EHF: variants seen among roughly 807,000 people sequenced by gnomAD.
EHF encodes the protein ESE3 transcription factor.
In EHF, 14 loss-of-function variants were observed where a neutral mutation model predicts 45.1. That is an observed-to-expected ratio of 0.31 (90% CI 0.21 to 0.49). EHF has a LOEUF of 0.49. EHF is among the 20% of genes least tolerant of loss of function. EHF has a pLI of 0.99. For synonymous variants in EHF, 136 were observed against 131.8 expected (o/e 1.03, Z -0.22); for missense variants, 282 against 371.4 (o/e 0.76, Z 1.98).
At chr11:34,645,114 A>G (rs1317568738) in intron 2 of EHF, among the ~76,000 whole-genome samples, 1 of 151,988 alleles carries the variant, frequency 6.6e-6, no homozygotes, top group East Asian at 1.9e-4. Context: ...TTCCTTCCCA[A>G]CATCTATTTC....
chr11:34,656,746 A>G (rs1486100173), intron 6 of EHF, among the ~76,000 whole-genome samples, 162 bp from the exon 7 acceptor site: 1 of 152,188 alleles, frequency 6.6e-6, no homozygotes, highest in Admixed American at 6.5e-5. Context: ...TTTTCTCCAT[A>G]GCATTTATCA....
At chr11:34,653,021 C>T (rs140893115) in intron 6 of EHF, among the ~76,000 whole-genome samples, 32 of 152,252 alleles carry the variant, frequency 2.1e-4, no homozygotes, top group Middle Eastern at 3.4e-3. Flanking sequence ...CTGAGCCAAC[C>T]GGGGTAAAAT....
At chr11:34,654,901 C>T (rs920120882) in intron 6 of EHF, among the ~76,000 whole-genome samples, 1 of 152,198 alleles carries the variant, frequency 6.6e-6, no homozygotes, top group African/African-American at 2.4e-5. Context: ...AATGGCCCTG[C>T]ATCCCTCCTG....
chr11:34,658,796 C>G lies in EHF; in HGVS notation c.804-36C>G, dbSNP rs568623948. On this transcript the variant is annotated intron_variant, in intron 8 of 8. Coordinates refer to ENST00000257831, the MANE Select transcript of EHF (RefSeq NM_012153.6). ...CCATTATTTACCTAGCAACCTTCAT[C>G]GGATCAGTCACCTTATGCAATCTCC... 5.0e-5 allele frequency: 80 copies of G among 1,606,528 alleles called. 1 individual carries two copies. In the South Asian group the frequency reaches 8.7e-4, roughly 17 times the overall value.
At chr11:34,630,231 C>T (rs1304243127) in intron 1 of EHF, among the ~76,000 whole-genome samples, 1 of 152,142 alleles carries the variant, frequency 6.6e-6, no homozygotes, top group Non-Finnish European at 1.5e-5. Context: ...TTCAAAAGAA[C>T]TATGTTGCTT....
intron 1 of EHF, among the ~76,000 whole-genome samples, chr11:34,639,086 C>T (rs917397393): frequency 2.0e-5 from 3 of 152,224 alleles, no homozygotes; most frequent in East Asian, 1.9e-4. Flanking sequence ...GCAACCCCCT[C>T]CAGCTCTCCC....
At chr11:34,625,743 G>T (rs145797168) in intron 1 of EHF, among the ~76,000 whole-genome samples, 3 of 152,310 alleles carry the variant, frequency 2.0e-5, no homozygotes, top group Non-Finnish European at 2.9e-5. Context: ...GCACCTAACC[G>T]CATTCTGTCT....
intron 2 of EHF, among the ~76,000 whole-genome samples, chr11:34,643,047 A>G (rs1044045780): frequency 2.0e-5 from 3 of 150,618 alleles, no homozygotes; most frequent in Non-Finnish European, 4.4e-5. Context: ...GGATATCAAG[A>G]TAGGCTAGGA....
chr11:34,652,512 T>C (rs988995969), intron 6 of EHF, among the ~76,000 whole-genome samples: 3 of 152,160 alleles, frequency 2.0e-5, no homozygotes, highest in African/African-American at 2.4e-5. Context: ...CACCTACAAA[T>C]AGGTGCATTG....
At chr11:34,652,122 TTTGG>T (rs1457456209) in intron 6 of EHF, among the ~76,000 whole-genome samples, 7 of 152,350 alleles carry the variant, frequency 4.6e-5, no homozygotes, top group Admixed American at 3.9e-4. Context: ...ATTATTCATA[TTTGG>T]GTATACTTAT....
At chr11:34,632,358 A>T (rs1231416199) in intron 1 of EHF, 13 of 895,552 alleles carry the variant, frequency 1.5e-5, no homozygotes, top group Non-Finnish European at 1.3e-5. Flanking sequence ...CCAGCAACTG[A>T]ATTAACAGCT....
chr11:34,654,541 TTTTA>T, intron 6 of EHF, among the ~76,000 whole-genome samples: 1 of 152,256 alleles, frequency 6.6e-6, no homozygotes, highest in East Asian at 1.9e-4. Flanking sequence ...ATGGAAAGAT[TTTTA>T]TTTGGGGATT....
At chr11:34,642,541 C>A in intron 1 of EHF, 87 bp from the exon 2 acceptor site, 1 of 833,190 alleles carries the variant, frequency 1.2e-6, no homozygotes, top group Non-Finnish European at 2.0e-6. Flanking sequence ...TCTTTATTTT[C>A]TTCCTAAATT....
Position 34,633,155 on chromosome 11 carries a change from C to T in EHF, c.-3-9473C>T, listed in dbSNP as rs80339181. 1.2e-4 allele frequency among the ~76,000 whole-genome samples: 18 copies of T among 152,234 alleles called. No homozygotes were observed. In the East Asian group the frequency reaches 3.1e-3, roughly 26 times the overall value. ...TATTCTGGGGCCAGATTTGTCTGTT[C>T]GGACTTCAGAACTCATACTTTTGAG... On this transcript the variant is annotated intron_variant, in intron 1 of 8. Coordinates refer to ENST00000257831, the MANE Select transcript of EHF (RefSeq NM_012153.6).
intron 6 of EHF, among the ~76,000 whole-genome samples, chr11:34,655,335 T>G (rs1246821205): frequency 6.6e-6 from 1 of 152,200 alleles, no homozygotes; most frequent in African/African-American, 2.4e-5. Context: ...AAAGGGCCCA[T>G]GAACGTTGGG....
chr11:34,624,915 C>T (rs1346718250), intron 1 of EHF, among the ~76,000 whole-genome samples: 1 of 152,136 alleles, frequency 6.6e-6, no homozygotes, highest in Admixed American at 6.5e-5. Context: ...TGTCCCAGAG[C>T]ACACATTCCC....
rs750897556 is a variant in EHF at position 34,642,747 on chromosome 11, T to C, written c.97+20T>C. The C allele has an allele frequency of 1.3e-6, 2 of 1,556,798 alleles. 1 individual carries two copies. Among genetic ancestry groups the C allele is most frequent in the South Asian group, 2.2e-5 (2 of 89,910 alleles). On this transcript the variant is annotated intron_variant, in intron 2 of 8. Coordinates refer to ENST00000257831, the MANE Select transcript of EHF (RefSeq NM_012153.6). The stretch of plus-strand genomic sequence containing the variant: ...GCAATGGTAAGAGGGCCTGTGGGTG[T>C]TGGTGTCACTGCTGTGCTGTGTGGG...
chr11:34,661,829 G>A lies in EHF; in HGVS notation c.*2898G>A, dbSNP rs117365590. Among the ~76,000 whole-genome samples, 26 of 152,198 alleles carry A rather than the reference G, an allele frequency of 1.7e-4. No individual in the cohort carries two copies. Among genetic ancestry groups the A allele is most frequent in the East Asian group, 7.7e-4 (4 of 5,174 alleles). ...TAAACATGTTATCCTTAAACCCCCCGTATGCCTGAGTTGAAAGGGCTCTCT... is the reference window on the plus strand; with the variant it reads ...TAAACATGTTATCCTTAAACCCCCCATATGCCTGAGTTGAAAGGGCTCTCT... On this transcript the variant is annotated 3_prime_UTR_variant, in exon 9 of 9. Transcript: ENST00000257831.
chr11:34,651,571 G>A lies in EHF; in HGVS notation c.436G>A (p.Glu146Lys). The A allele has an allele frequency of 3.1e-6, 5 of 1,613,870 alleles. No individual in the cohort carries two copies. The highest frequency in any genetic ancestry group is 2.5e-6 in the Non-Finnish European group (3 of 1,179,882). ...TTCCATCATGAACACCTGGAAAGAC[G>A]AGAACTATTTATATGACACCAACTA... ...EPSIMNTWKD[E>K]NYLYDTNYGS... The change falls in exon 5 of 9, where the codon GAG (glutamate) becomes AAG (lysine). Residue 146 changes from glutamate to lysine, a missense_variant. Coordinates refer to ENST00000257831, the MANE Select transcript of EHF (RefSeq NM_012153.6).
Sources: gnomAD v4.1 joint callset for allele counts (sites outside exome capture counted in the v4.1 genomes callset) on GRCh38, gnomAD v4.1.1 for gene constraint, MANE v1.5 for transcripts, NCBI Gene and HGNC (gene_info 2026-07-23, HGNC 2026-07-21) for gene names.